Variants in INSL6 observed in about 807,000 individuals in gnomAD.
INSL6 encodes the protein insulin-like peptide INSL6.
Under a neutral mutation model 9.4 loss-of-function variants are expected in INSL6, and 16 were observed. The ratio of observed to expected loss-of-function variants is 1.70; its 90% CI spans 1.15 to 2.59. The LOEUF is 2.59. Among genes scored for constraint, INSL6 ranks in the 30% most tolerant of loss-of-function variants. INSL6 has a pLI of 0.00. For missense variants in INSL6, 391 were observed against 257.3 expected (o/e 1.52, Z -3.56); for synonymous variants, 154 against 96.9 (o/e 1.59, Z -3.46).
chr9:5,181,442 C>A (rs1825449812), intron 1 of INSL6, among the ~76,000 whole-genome samples: 2 of 151,764 alleles, frequency 1.3e-5, no homozygotes, highest in South Asian at 4.2e-4. Context: ...AAAACTAGCT[C>A]CCTATGTAGA....
At chr9:5,049,986 G>A in the INSL6 span, among the ~76,000 whole-genome samples, 1 of 152,086 alleles carries the variant, frequency 6.6e-6, no homozygotes, top group African/African-American at 2.4e-5. Context: ...TTATATATGT[G>A]GTCTGCCATT....
At chr9:5,064,984 A>C in the INSL6 span, 1 of 1,610,882 alleles carries the variant, frequency 6.2e-7, no homozygotes, top group Non-Finnish European at 8.5e-7. Flanking sequence ...TCTGTAAAGA[A>C]GTAGCACCTC....
chr9:5,091,029 T>TAAGTC, the INSL6 span: 2,052 of 785,708 alleles, frequency 2.6e-3, 35 homozygotes, highest in African/African-American at 0.034. Flanking sequence ...TTAAGTCTTT[T>TAAGTC]AAGTCTTACA....
At chr9:5,138,730 T>TA (rs5896113) in intron 2 of INSL6, among the ~76,000 whole-genome samples, 126,095 of 150,414 alleles carry the variant, frequency 0.84, 53,817 homozygotes, top group East Asian at 0.99. Flanking sequence ...TAAACTATAA[T>TA]AAAAAAAAAT....
chr9:5,086,107 C>G, the INSL6 span: 78 of 488,500 alleles, frequency 1.6e-4, 2 homozygotes, highest in Admixed American at 1.6e-3. Context: ...TGAGCCTGCG[C>G]GGGCATCGGC....
chr9:5,026,690 G>A, the INSL6 span, among the ~76,000 whole-genome samples: 9 of 152,098 alleles, frequency 5.9e-5, no homozygotes, highest in Admixed American at 4.6e-4. Context: ...TTGAGTTCAC[G>A]TGATTGTTGT....
chr9:5,151,529 T>G (rs973634436), intron 2 of INSL6, among the ~76,000 whole-genome samples: 4 of 151,756 alleles, frequency 2.6e-5, no homozygotes, highest in Non-Finnish European at 1.5e-5. Flanking sequence ...GGAAAGAAAA[T>G]TGAAGTATAC....
At chr9:5,010,677 A>C in the INSL6 span, among the ~76,000 whole-genome samples, 6 of 152,198 alleles carry the variant, frequency 3.9e-5, no homozygotes, top group African/African-American at 1.4e-4. Context: ...ATAATTAATC[A>C]CATATTTACT....
At chr9:5,107,626 A>G in the INSL6 span, among the ~76,000 whole-genome samples, 1 of 152,190 alleles carries the variant, frequency 6.6e-6, no homozygotes, top group Non-Finnish European at 1.5e-5. Flanking sequence ...ATAATAAACC[A>G]TATTTACCAA....
chr9:5,016,581 C>G, the INSL6 span, among the ~76,000 whole-genome samples: 1 of 152,106 alleles, frequency 6.6e-6, no homozygotes. Flanking sequence ...GTGTAACACA[C>G]AAACAGGAAA....
intron 2 of INSL6, among the ~76,000 whole-genome samples, chr9:5,150,517 C>A (rs1244209862): frequency 2.6e-5 from 4 of 152,050 alleles, no homozygotes; most frequent in South Asian, 2.1e-4. Context: ...GTTGAAACTA[C>A]AATAAGATGA....
the INSL6 span, among the ~76,000 whole-genome samples, chr9:5,105,861 T>A: frequency 2.0e-5 from 3 of 152,244 alleles, no homozygotes; most frequent in Non-Finnish European, 4.4e-5. Context: ...GCTAGCCATA[T>A]GTAGAAAGCT....
chr9:5,062,500 T>TAAAAAAAAAAAAAA, the INSL6 span, among the ~76,000 whole-genome samples: 126 of 58,218 alleles, frequency 2.2e-3, 20 homozygotes, highest in African/African-American at 0.011. Flanking sequence ...CTTCCATTTG[T>TAAAAAAAAAAAAAA]AAAAAAAAAA....
At chr9:5,112,435 CAA>C in the INSL6 span, 682 of 517,928 alleles carry the variant, frequency 1.3e-3, 7 homozygotes, top group African/African-American at 0.012. Context: ...GCTGACCACT[CAA>C]GAGGAGAAGA....
chr9:5,085,970 G>C, the INSL6 span: 2 of 1,093,274 alleles, frequency 1.8e-6, no homozygotes, highest in East Asian at 4.7e-5. Context: ...TCTCACCACT[G>C]TGTGTTTTGC....
At chr9:5,017,436 A>C in the INSL6 span, among the ~76,000 whole-genome samples, 1 of 151,962 alleles carries the variant, frequency 6.6e-6, no homozygotes, top group Non-Finnish European at 1.5e-5. Context: ...CAGAAAACCA[A>C]CTCTTAGATT....
chr9:5,115,703 C>T, the INSL6 span, among the ~76,000 whole-genome samples: 1 of 152,198 alleles, frequency 6.6e-6, no homozygotes, highest in African/African-American at 2.4e-5. Flanking sequence ...AAATGTGACA[C>T]ATATACACCA....
intron 1 of INSL6, among the ~76,000 whole-genome samples, chr9:5,185,014 T>C (rs1002945493): frequency 6.6e-6 from 1 of 152,176 alleles, no homozygotes; most frequent in Non-Finnish European, 1.5e-5. Context: ...AAAATGATAC[T>C]TAAGTTGGGC....
At chr9:5,070,727 C>T in the INSL6 span, among the ~76,000 whole-genome samples, 12 of 151,952 alleles carry the variant, frequency 7.9e-5, no homozygotes, top group African/African-American at 2.9e-4. Context: ...TGAAAAAAAC[C>T]CACATATAAA....
Sources: gnomAD v4.1 joint callset for allele counts (sites outside exome capture counted in the v4.1 genomes callset) on GRCh38, gnomAD v4.1.1 for gene constraint, MANE v1.5 for transcripts, NCBI Gene and HGNC (gene_info 2026-07-23, HGNC 2026-07-21) for gene names.